AASS: variants seen among roughly 807,000 people sequenced by gnomAD.
The protein encoded by AASS is aminoadipate-semialdehyde synthase.
Under a neutral mutation model 105.4 loss-of-function variants are expected in AASS, and 86 were observed. The observed-to-expected ratio is 0.82, with a 90% CI of 0.69 to 0.98. The LOEUF (loss-of-function observed/expected upper bound fraction) is 0.98. Among genes scored for constraint, AASS ranks in the 50% least tolerant of loss-of-function variants. The pLI is 0.00. For missense variants in AASS, 1,048 were observed against 1,143.2 expected (o/e 0.92, Z 1.20); for synonymous variants, 381 against 394.8 (o/e 0.96, Z 0.41).
Position 122,101,830 on chromosome 7 carries a change from G to C in AASS, c.1279-150C>G. On this transcript the variant is annotated intron_variant, in intron 11 of 23. Coordinates refer to ENST00000417368, the MANE Select transcript of AASS (RefSeq NM_005763.4). ...CACCGAGTATAAGTGATTGCTAATA[G>C]AAGTCTTCTACAAGCAATCAACTCT... 1.8e-5 allele frequency: 12 copies of C among 676,176 alleles called. No homozygotes were observed. The South Asian group carries it at 2.1e-4, about 12-fold the overall frequency. 41.9% of individuals were successfully genotyped at this position (676,176 alleles called of 1,614,324 possible).
intron 2 of AASS, among the ~76,000 whole-genome samples, chr7:122,132,764 G>A (rs1795968072): frequency 6.6e-6 from 1 of 152,062 alleles, no homozygotes; most frequent in Non-Finnish European, 1.5e-5. Flanking sequence ...CCCAGTAGCA[G>A]GACACTCTGT....
chr7:122,078,560 G>T (rs189355250), intron 22 of AASS, among the ~76,000 whole-genome samples: 1 of 152,146 alleles, frequency 6.6e-6, no homozygotes, highest in Non-Finnish European at 1.5e-5. Context: ...ACAGTGAGCC[G>T]AGATGGAGCC....
intron 11 of AASS, among the ~76,000 whole-genome samples, chr7:122,107,930 A>G (rs1456043858): frequency 2.9e-5 from 4 of 139,616 alleles, no homozygotes; most frequent in African/African-American, 8.3e-5. Context: ...ACATTATTGC[A>G]TAACAAATCA....
intron 9 of AASS, among the ~76,000 whole-genome samples, chr7:122,114,187 T>C (rs1485812077): frequency 6.6e-6 from 1 of 152,190 alleles, no homozygotes; most frequent in East Asian, 1.9e-4. Context: ...AATCTCCAAT[T>C]ACCACTTGCA....
intron 9 of AASS, 122 bp from the exon 10 acceptor site, chr7:122,113,842 G>T: frequency 9.5e-7 from 1 of 1,054,836 alleles, no homozygotes; most frequent in Non-Finnish European, 1.4e-6. Context: ...GGCTTTTGGG[G>T]TCTTTTTCCT....
At chr7:122,085,365 T>C (rs552241611) in intron 19 of AASS, among the ~76,000 whole-genome samples, 5 of 152,324 alleles carry the variant, frequency 3.3e-5, no homozygotes, top group African/African-American at 1.2e-4. Flanking sequence ...TTGTGATCAA[T>C]AAATGTGTAG....
At chr7:122,111,454 A>G (rs1324356625) in intron 11 of AASS, among the ~76,000 whole-genome samples, 1 of 152,198 alleles carries the variant, frequency 6.6e-6, no homozygotes, top group Non-Finnish European at 1.5e-5. Context: ...TAAGTTATTC[A>G]GTCTGCAGGG....
At chr7:122,129,976 T>C (rs1456765480) in intron 2 of AASS, among the ~76,000 whole-genome samples, 1 of 152,114 alleles carries the variant, frequency 6.6e-6, no homozygotes, top group Non-Finnish European at 1.5e-5. Context: ...TTACTATCCT[T>C]ACTGTACATT....
intron 13 of AASS, 133 bp from the exon 14 acceptor site, chr7:122,098,999 C>T (rs916338075): frequency 8.9e-5 from 86 of 965,266 alleles, no homozygotes; most frequent in Non-Finnish European, 1.1e-4. Flanking sequence ...CTTCACATTA[C>T]TTAAAATAAG....
intron 1 of AASS, among the ~76,000 whole-genome samples, chr7:122,136,976 A>T (rs1430180603): frequency 6.6e-6 from 1 of 152,232 alleles, no homozygotes; most frequent in Non-Finnish European, 1.5e-5. Context: ...TGCAAAGGCC[A>T]ACTATCTTGG....
At position 122,114,331 on chromosome 7, in the gene AASS, C is replaced by T. The variant is rs80193564; in HGVS notation, c.1044-611G>A. 4.0e-3 allele frequency among the ~76,000 whole-genome samples: 609 copies of T among 152,280 alleles called. 3 individuals carry two copies. Among genetic ancestry groups the T allele is most frequent in the Non-Finnish European group, 6.3e-3 (426 of 68,022 alleles). On this transcript the variant is annotated intron_variant, in intron 9 of 23. Transcript: ENST00000417368. Reference sequence around the variant, plus strand: ...TCATTCCTCCCTTTAAGGTTTGCTGCGCCCAATGCTTCTGCTTTCTTCTAA... The same window carrying T: ...TCATTCCTCCCTTTAAGGTTTGCTGTGCCCAATGCTTCTGCTTTCTTCTAA...
chr7:122,130,793 C>T (rs992111938), intron 2 of AASS, among the ~76,000 whole-genome samples: 5 of 151,780 alleles, frequency 3.3e-5, no homozygotes, highest in African/African-American at 1.2e-4. Flanking sequence ...AAAAACAGTC[C>T]ATTTTCTCAT....
At chr7:122,126,856 G>C (rs1226037042) in intron 3 of AASS, among the ~76,000 whole-genome samples, 3 of 152,034 alleles carry the variant, frequency 2.0e-5, no homozygotes, top group African/African-American at 7.2e-5. Context: ...CTGTGACCTA[G>C]ATCCCAGCTT....
intron 11 of AASS, 108 bp from the exon 12 acceptor site, chr7:122,101,788 AAC>A (rs1221708066): frequency 1.0e-5 from 9 of 881,092 alleles, no homozygotes; most frequent in Non-Finnish European, 1.1e-5. Context: ...TAATTTAAGA[AAC>A]AGTTTTCTGA....
intron 2 of AASS, among the ~76,000 whole-genome samples, chr7:122,132,816 G>T (rs1415964358): frequency 6.6e-6 from 1 of 152,076 alleles, no homozygotes; most frequent in Non-Finnish European, 1.5e-5. Context: ...CAATATCATT[G>T]AAACAAAATC....
intron 2 of AASS, 85 bp downstream of exon 2, chr7:122,133,432 A>G: frequency 1.4e-6 from 2 of 1,434,628 alleles, no homozygotes; most frequent in Non-Finnish European, 1.9e-6. Flanking sequence ...TGACACTAGC[A>G]AACATTTTAT....
At chr7:122,114,958 AG>A in intron 9 of AASS, 115 bp downstream of exon 9, 2 of 1,421,170 alleles carry the variant, frequency 1.4e-6, no homozygotes, top group Non-Finnish European at 2.0e-6. Context: ...AGGTCAAGAA[AG>A]ATAAGGCAGA....
At chr7:122,080,021 CTA>C (rs1445202641) in intron 20 of AASS, among the ~76,000 whole-genome samples, 5 of 152,146 alleles carry the variant, frequency 3.3e-5, no homozygotes, top group Non-Finnish European at 5.9e-5. Context: ...CTCTCTATCA[CTA>C]TGTTTTTATC....
intron 11 of AASS, among the ~76,000 whole-genome samples, chr7:122,110,809 A>C (rs1328669348): frequency 6.6e-6 from 1 of 151,982 alleles, no homozygotes; most frequent in Non-Finnish European, 1.5e-5. Context: ...AATGTCTACC[A>C]ATGGTAAAAT....
Sources: allele counts gnomAD v4.1 joint callset (sites outside exome capture counted in the v4.1 genomes callset), GRCh38; gene constraint gnomAD v4.1.1; transcripts MANE v1.5; gene names NCBI Gene and HGNC (gene_info 2026-07-23, HGNC 2026-07-21).